TIGAR: variants seen among roughly 807,000 people sequenced by gnomAD.
TIGAR encodes the protein fructose-2,6-bisphosphatase TIGAR.
TIGAR carries 7 observed loss-of-function variants against 17.9 expected under a neutral mutation model. The observed-to-expected ratio is 0.39, with a 90% CI of 0.22 to 0.73. The LOEUF (loss-of-function observed/expected upper bound fraction) is 0.73. Among genes scored for constraint, TIGAR ranks in the 30% least tolerant of loss-of-function variants. The probability of loss-of-function intolerance (pLI) is 0.42; values close to 1 mark genes in which losing one functional copy is unlikely to be tolerated. For missense variants in TIGAR, 258 were observed against 327.4 expected, an observed-to-expected ratio of 0.79 and a Z score of 1.64; for synonymous variants, 94 against 108.6, an observed-to-expected ratio of 0.87 and a Z score of 0.84.
At chr12:4,346,106 A>T (rs1248734216) in intron 3 of TIGAR, among the ~76,000 whole-genome samples, 3 of 152,206 alleles carry the variant, frequency 2.0e-5, no homozygotes, top group Non-Finnish European at 2.9e-5. Flanking sequence ...TCAGGAAACA[A>T]CAGGTGCTGG....
At chr12:4,325,741 C>CAA (rs11447841) in intron 1 of TIGAR, among the ~76,000 whole-genome samples, 283 of 111,790 alleles carry the variant, frequency 2.5e-3, no homozygotes, top group African/African-American at 6.5e-3. Context: ...AAACTCGTCT[C>CAA]AAAAAAAAAA....
intron 3 of TIGAR, among the ~76,000 whole-genome samples, chr12:4,344,789 T>G (rs1191327192): frequency 1.3e-5 from 2 of 152,148 alleles, no homozygotes; most frequent in Non-Finnish European, 2.9e-5. Flanking sequence ...GAGAAAGAAA[T>G]AAAGGGTATT....
rs1052739027 is a variant in TIGAR, at chr12:4,353,288, T to G, written c.*597T>G. 3.9e-5 allele frequency: 6 copies of G among 152,252 alleles called. No homozygotes were observed. The highest frequency in any genetic ancestry group is 1.4e-4 in the African/African-American group (6 of 41,462). The allele number at this position is 152,252 out of a possible 1,614,324, so 9.4% of individuals were successfully genotyped here. On this transcript the variant is annotated 3_prime_UTR_variant, in exon 6 of 6. Coordinates refer to ENST00000179259, the MANE Select transcript of TIGAR (RefSeq NM_020375.3). ...TGCAGAATGGTCTGGGGGAAGAAGT[T>G]AAAACATTTGATTTAAATACAGTAA...
At chr12:4,326,847 T>C (rs1565445487) in intron 1 of TIGAR, among the ~76,000 whole-genome samples, 1 of 152,224 alleles carries the variant, frequency 6.6e-6, no homozygotes, top group Non-Finnish European at 1.5e-5. Context: ...CTGTGATTTG[T>C]AAATTCTGAG....
At chr12:4,331,237 G>A in intron 1 of TIGAR, 43 bp from the exon 2 acceptor site, 1 of 1,553,776 alleles carries the variant, frequency 6.4e-7, no homozygotes, top group Non-Finnish European at 8.9e-7. Flanking sequence ...CTCAAAAACA[G>A]TATAATTTGG....
rs1170029145 is a variant in TIGAR, at chr12:4,357,058, C to T, written c.*4367C>T. Among the ~76,000 whole-genome samples the T allele has an allele frequency of 6.6e-6, 1 of 152,210 alleles. No individual in the cohort carries two copies. Among genetic ancestry groups the T allele is most frequent in the African/African-American group, 2.4e-5 (1 of 41,454 alleles). Reference sequence around the variant, plus strand: ...ATTTCTTTAAATGCTATGTCATACTCAGCAAGGACATGCTCATATTAGGGG... The same window carrying T: ...ATTTCTTTAAATGCTATGTCATACTTAGCAAGGACATGCTCATATTAGGGG... On this transcript the variant is annotated 3_prime_UTR_variant, in exon 6 of 6. Transcript: ENST00000179259.
chr12:4,348,230 T>G (rs534364010), intron 3 of TIGAR, among the ~76,000 whole-genome samples: 9 of 152,228 alleles, frequency 5.9e-5, no homozygotes, highest in East Asian at 3.9e-4. Context: ...CAGAAAGAGA[T>G]AGCAGAGAGA....
At chr12:4,349,768 C>G (rs1398928297) in intron 3 of TIGAR, 51 bp from the exon 4 acceptor site, 2 of 1,419,360 alleles carry the variant, frequency 1.4e-6, no homozygotes. Flanking sequence ...GTGCTTCCAC[C>G]AGAATGGTGA....
At chr12:4,343,252 C>T (rs1181630473) in intron 3 of TIGAR, among the ~76,000 whole-genome samples, 1 of 152,154 alleles carries the variant, frequency 6.6e-6, no homozygotes, top group African/African-American at 2.4e-5. Context: ...TAGTGACCTA[C>T]AAAGAGACTT....
chr12:4,359,013 A>T lies in TIGAR; in HGVS notation c.*6322A>T, dbSNP rs180866083. Among the ~76,000 whole-genome samples, 2 of 152,140 alleles carry T rather than the reference A, an allele frequency of 1.3e-5. No individual in the cohort carries two copies. The highest frequency in any genetic ancestry group is 6.5e-5 in the Admixed American group (1 of 15,300). ...GCCCAGAAAGGATGTGTCCTTGGTC[A>T]TGTCAGGAGGGACAGGACGTTGTAT... On this transcript the variant is annotated 3_prime_UTR_variant, in exon 6 of 6. Coordinates refer to ENST00000179259, the MANE Select transcript of TIGAR (RefSeq NM_020375.3).
In TIGAR at chr12:4,338,078, C is replaced by T. The variant is rs145379128; in HGVS notation, c.192+918C>T. 2.5e-3 allele frequency among the ~76,000 whole-genome samples: 375 copies of T among 152,092 alleles called. 1 individual carries two copies. Among genetic ancestry groups the T allele is most frequent in the Middle Eastern group, 6.8e-3 (2 of 292 alleles). Reference sequence around the variant, plus strand: ...ACAGGAGGCAGAGGTTGCAGTGAGCCAAGATCGTGCCGTTGCATGGTTGGG... The same window carrying T: ...ACAGGAGGCAGAGGTTGCAGTGAGCTAAGATCGTGCCGTTGCATGGTTGGG... On this transcript the variant is annotated intron_variant, in intron 3 of 5. Coordinates refer to ENST00000179259, the MANE Select transcript of TIGAR (RefSeq NM_020375.3).
Position 4,356,684 on chromosome 12 carries a change from T to G in TIGAR, c.*3993T>G, listed in dbSNP as rs1864906125. 6.6e-6 allele frequency among the ~76,000 whole-genome samples: 1 copy of G among 152,224 alleles called. No individual in the cohort carries two copies. Among genetic ancestry groups the G allele is most frequent in the Non-Finnish European group, 1.5e-5 (1 of 68,050 alleles). On this transcript the variant is annotated 3_prime_UTR_variant, in exon 6 of 6. Coordinates refer to ENST00000179259, the MANE Select transcript of TIGAR (RefSeq NM_020375.3). ...TATGAAGACATGTATTCCACCATTA[T>G]AGTATCATGCAGAGTATTTTCACTG...
rs570499487 is a variant in TIGAR, at chr12:4,356,483, A to G, written c.*3792A>G. On this transcript the variant is annotated 3_prime_UTR_variant, in exon 6 of 6. Coordinates refer to ENST00000179259, the MANE Select transcript of TIGAR (RefSeq NM_020375.3). ...AGGAAGGTAGAGAGATTTCCCATCT[A>G]TCCCCTGCCCCTACACACGCATTGC... is the stretch of plus-strand genomic sequence containing the variant. Among the ~76,000 whole-genome samples, 1 of 152,252 alleles carries G rather than the reference A, an allele frequency of 6.6e-6. No homozygotes were observed.
chr12:4,327,319 G>C (rs1864555462), intron 1 of TIGAR, among the ~76,000 whole-genome samples: 1 of 151,268 alleles, frequency 6.6e-6, no homozygotes, highest in South Asian at 2.1e-4. Context: ...TGAAGCAGGA[G>C]AATCGCTTGA....
chr12:4,351,921 G>T (rs981559076), intron 5 of TIGAR, among the ~76,000 whole-genome samples: 5 of 152,222 alleles, frequency 3.3e-5, no homozygotes, highest in Non-Finnish European at 5.9e-5. Flanking sequence ...GCACTGAAGT[G>T]CCAGAGACAG....
At chr12:4,340,232 T>C (rs1012816842) in intron 3 of TIGAR, among the ~76,000 whole-genome samples, 1 of 152,158 alleles carries the variant, frequency 6.6e-6, no homozygotes, top group Non-Finnish European at 1.5e-5. Context: ...CAAAGCAAGA[T>C]ACAAAAATCA....
rs771022403 is a variant in TIGAR, at chr12:4,357,963, GC to G, written c.*5274del. Among the ~76,000 whole-genome samples the G allele has an allele frequency of 2.0e-5, 3 of 151,990 alleles. No individual in the cohort carries two copies. Among genetic ancestry groups the G allele is most frequent in the Non-Finnish European group, 2.9e-5 (2 of 68,016 alleles). ...CTGAAAAATAGAAAAAATTAGCCAG[GC>G]CTGGTGGCCGGCGCCTGTAGTCCCA... On this transcript the variant is annotated 3_prime_UTR_variant, in exon 6 of 6. Transcript: ENST00000179259.
chr12:4,329,059 C>T (rs1864576790), intron 1 of TIGAR, among the ~76,000 whole-genome samples: 1 of 152,022 alleles, frequency 6.6e-6, no homozygotes, highest in South Asian at 2.1e-4. Flanking sequence ...TGTTTATTTC[C>T]CTCCTTTCTA....
At chr12:4,349,788 T>C in intron 3 of TIGAR, 31 bp from the exon 4 acceptor site, 1 of 1,507,620 alleles carries the variant, frequency 6.6e-7, no homozygotes, top group East Asian at 2.4e-5. Flanking sequence ...ATTATTTTTA[T>C]AAAGAAAGAA....
Sources: gnomAD v4.1 joint callset for allele counts (sites outside exome capture counted in the v4.1 genomes callset) on GRCh38, gnomAD v4.1.1 for gene constraint, MANE v1.5 for transcripts, NCBI Gene and HGNC (gene_info 2026-07-23, HGNC 2026-07-21) for gene names.